The following REDIC1 variants were observed in gnomAD, a reference collection of about 807,000 sequenced individuals.
The protein encoded by REDIC1 is HEI10 Interacting Protein 1.
the REDIC1 span, among the ~76,000 whole-genome samples, chr12:39,649,998 T>A: frequency 1.3e-5 from 2 of 151,978 alleles, no homozygotes; most frequent in African/African-American, 4.8e-5. Flanking sequence ...GAGAAAATGG[T>A]TAGCTTACCA....
At chr12:39,763,302 A>G in the REDIC1 span, among the ~76,000 whole-genome samples, 2 of 152,110 alleles carry the variant, frequency 1.3e-5, no homozygotes, top group African/African-American at 4.8e-5. Context: ...TTATGAAGAT[A>G]ATAAAAGCAT....
At chr12:39,725,499 T>C in the REDIC1 span, among the ~76,000 whole-genome samples, 3 of 152,144 alleles carry the variant, frequency 2.0e-5, no homozygotes, top group Non-Finnish European at 4.4e-5. Context: ...TCATAGCACT[T>C]GAAATGGCTT....
the REDIC1 span, among the ~76,000 whole-genome samples, chr12:39,786,800 C>T: frequency 6.6e-6 from 1 of 152,156 alleles, no homozygotes; most frequent in Non-Finnish European, 1.5e-5. Flanking sequence ...TCCCCTCTCT[C>T]CTGTAACAGG....
chr12:39,700,791 TAAAG>T, the REDIC1 span, among the ~76,000 whole-genome samples: 3 of 151,964 alleles, frequency 2.0e-5, no homozygotes, highest in African/African-American at 4.8e-5. Context: ...TCAACATTCT[TAAAG>T]AAAAGAATTT....
the REDIC1 span, among the ~76,000 whole-genome samples, chr12:39,882,152 A>T: frequency 6.6e-6 from 1 of 152,034 alleles, no homozygotes; most frequent in Non-Finnish European, 1.5e-5. Context: ...CCACAATAAT[A>T]CTTACTATGT....
the REDIC1 span, among the ~76,000 whole-genome samples, chr12:39,806,227 C>A: frequency 8.0e-3 from 1,211 of 152,266 alleles, 15 homozygotes; most frequent in African/African-American, 0.027. Flanking sequence ...TTGCCTGGAA[C>A]CTCTAATGCT....
the REDIC1 span, among the ~76,000 whole-genome samples, chr12:39,690,089 A>G: frequency 6.6e-6 from 1 of 152,206 alleles, no homozygotes; most frequent in Admixed American, 6.5e-5. Context: ...GGCCAAGGCA[A>G]GAGTCACCAA....
At chr12:39,704,949 C>T in the REDIC1 span, among the ~76,000 whole-genome samples, 1 of 151,952 alleles carries the variant, frequency 6.6e-6, no homozygotes, top group South Asian at 2.1e-4. Flanking sequence ...GGAGGGATGG[C>T]ATTGGGAGAT....
chr12:39,702,769 G>C, the REDIC1 span, among the ~76,000 whole-genome samples: 1 of 152,200 alleles, frequency 6.6e-6, no homozygotes, highest in African/African-American at 2.4e-5. Flanking sequence ...GGGATGCAAG[G>C]CTGGTTCAAT....
the REDIC1 span, among the ~76,000 whole-genome samples, chr12:39,705,306 T>A: frequency 6.6e-6 from 1 of 151,934 alleles, no homozygotes; most frequent in Non-Finnish European, 1.5e-5. Context: ...AGTAACTAGA[T>A]TGAAGTTGTA....
chr12:39,655,340 T>C, the REDIC1 span, among the ~76,000 whole-genome samples: 1 of 152,166 alleles, frequency 6.6e-6, no homozygotes, highest in Non-Finnish European at 1.5e-5. Flanking sequence ...CTTTCTCTTG[T>C]AGTACTGCTT....
chr12:39,745,479 G>A, the REDIC1 span, among the ~76,000 whole-genome samples: 2 of 152,166 alleles, frequency 1.3e-5, no homozygotes, highest in South Asian at 2.1e-4. Context: ...TCATAAAATA[G>A]GGGTAATAAT....
chr12:39,733,397 G>A, the REDIC1 span, among the ~76,000 whole-genome samples: 1 of 151,882 alleles, frequency 6.6e-6, no homozygotes, highest in Non-Finnish European at 1.5e-5. Flanking sequence ...TTTATCTTTA[G>A]GCACTTCTAT....
the REDIC1 span, among the ~76,000 whole-genome samples, chr12:39,689,207 G>A: frequency 6.6e-6 from 1 of 152,092 alleles, no homozygotes; most frequent in African/African-American, 2.4e-5. Context: ...AGGCCCCAAG[G>A]GATAATGGAG....
chr12:39,807,589 T>C, the REDIC1 span, among the ~76,000 whole-genome samples: 2 of 152,238 alleles, frequency 1.3e-5, no homozygotes, highest in African/African-American at 4.8e-5. Context: ...TCATTTGCTT[T>C]CAAAGGTACT....
chr12:39,699,810 G>A, the REDIC1 span, among the ~76,000 whole-genome samples: 1 of 152,182 alleles, frequency 6.6e-6, no homozygotes, highest in Non-Finnish European at 1.5e-5. Context: ...GCCTAACTGG[G>A]AGGCACCCCC....
the REDIC1 span, among the ~76,000 whole-genome samples, chr12:39,668,165 T>A: frequency 6.6e-6 from 1 of 152,202 alleles, no homozygotes; most frequent in Admixed American, 6.5e-5. Flanking sequence ...CTAGTCTCGA[T>A]GGTCTTTACA....
chr12:39,873,589 T>A, the REDIC1 span, among the ~76,000 whole-genome samples: 1 of 152,182 alleles, frequency 6.6e-6, no homozygotes, highest in Non-Finnish European at 1.5e-5. Context: ...CACAATAATT[T>A]AAGAATAAGA....
the REDIC1 span, among the ~76,000 whole-genome samples, chr12:39,714,190 T>TGTACATAC: frequency 7.2e-6 from 1 of 137,954 alleles, no homozygotes; most frequent in African/African-American, 2.6e-5. Context: ...CATGCATATA[T>TGTACATAC]GTATATATGT....
Sources: allele counts gnomAD v4.1 joint callset (sites outside exome capture counted in the v4.1 genomes callset), GRCh38; gene constraint gnomAD v4.1.1; transcripts MANE v1.5; gene names NCBI Gene and HGNC (gene_info 2026-07-23, HGNC 2026-07-21).